Variants in CDH20 observed in about 807,000 individuals in gnomAD.
CDH20 encodes the protein cadherin-20.
Under a neutral mutation model 74.2 loss-of-function variants are expected in CDH20, and 29 were observed. The ratio of observed to expected loss-of-function variants is 0.39; its 90% CI spans 0.29 to 0.53. The LOEUF is 0.53. CDH20 is among the 20% of genes least tolerant of loss of function. The probability of loss-of-function intolerance (pLI) is 0.69; values close to 1 mark genes in which losing one functional copy is unlikely to be tolerated. For missense variants in CDH20, 988 were observed against 1,048.3 expected (o/e 0.94, Z 0.79); for synonymous variants, 469 against 405.4 (o/e 1.16, Z -1.88).
chr18:61,394,267 T>C (rs997222140), intron 1 of CDH20, among the ~76,000 whole-genome samples: 3 of 152,092 alleles, frequency 2.0e-5, no homozygotes, highest in Non-Finnish European at 2.9e-5. Context: ...CTGGAATGTC[T>C]CCCCAAAATT....
chr18:61,455,414 G>C (rs1909540544), intron 1 of CDH20, among the ~76,000 whole-genome samples: 1 of 152,192 alleles, frequency 6.6e-6, no homozygotes, highest in South Asian at 2.1e-4. Context: ...AGCCATTAAT[G>C]AAATTATTTT....
chr18:61,462,571 A>G (rs1170773367), intron 1 of CDH20, among the ~76,000 whole-genome samples: 4 of 152,214 alleles, frequency 2.6e-5, no homozygotes, highest in Non-Finnish European at 4.4e-5. Flanking sequence ...GAATATAGCC[A>G]GTAACTTTAC....
rs905410843 is a variant in CDH20 at position 61,502,896 on chromosome 18, T to C, written c.662-57T>C. The stretch of plus-strand genomic sequence containing the variant: ...CCAGGGAGACACCTAGAAACCAATC[T>C]TTAAAAACTGGACCTGTGGTTTTAT... On this transcript the variant is annotated intron_variant, in intron 4 of 11. Transcript: ENST00000262717. 7 of 1,462,130 alleles carry C rather than the reference T, an allele frequency of 4.8e-6. No individual in the cohort carries two copies. In the South Asian group the frequency reaches 8.1e-5, roughly 17 times the overall value. 90.6% of individuals were successfully genotyped at this position (1,462,130 alleles called of 1,614,324 possible). A position where few individuals can be genotyped will look rare whatever the true frequency, so the allele number is the denominator to read the frequency against.
intron 1 of CDH20, among the ~76,000 whole-genome samples, chr18:61,444,084 A>G (rs1056368119): frequency 6.6e-6 from 1 of 152,144 alleles, no homozygotes; most frequent in African/African-American, 2.4e-5. Flanking sequence ...TAGCTAGTCA[A>G]GGTATATTGC....
At chr18:61,461,536 C>A (rs368896468) in intron 1 of CDH20, among the ~76,000 whole-genome samples, 19 of 152,216 alleles carry the variant, frequency 1.2e-4, no homozygotes, top group African/African-American at 4.6e-4. Context: ...CTCATGACCT[C>A]CTTCCCTGTG....
chr18:61,362,241 T>A (rs1342019071), intron 1 of CDH20, among the ~76,000 whole-genome samples: 1 of 152,172 alleles, frequency 6.6e-6, no homozygotes, highest in Non-Finnish European at 1.5e-5. Context: ...TTCAATGTAG[T>A]GTTTAAAAAT....
At chr18:61,528,521 G>A (rs1438312832) in intron 7 of CDH20, among the ~76,000 whole-genome samples, 5 of 151,062 alleles carry the variant, frequency 3.3e-5, no homozygotes, top group Non-Finnish European at 7.4e-5. Flanking sequence ...ACATTTGGGG[G>A]TGGGTAATTC....
intron 1 of CDH20, among the ~76,000 whole-genome samples, chr18:61,387,298 G>C (rs1165966429): frequency 6.6e-6 from 1 of 152,184 alleles, no homozygotes; most frequent in Non-Finnish European, 1.5e-5. Flanking sequence ...CCTACCAAAA[G>C]AAGTGGAGAA....
At chr18:61,491,394 A>C (rs994950953) in intron 2 of CDH20, among the ~76,000 whole-genome samples, 1 of 152,130 alleles carries the variant, frequency 6.6e-6, no homozygotes, top group African/African-American at 2.4e-5. Flanking sequence ...TTGGGGTGTT[A>C]ATTACAGACC....
At chr18:61,536,387 A>T in intron 7 of CDH20, 106 bp from the exon 8 acceptor site, 1 of 853,208 alleles carries the variant, frequency 1.2e-6, no homozygotes. Flanking sequence ...ATAACTCAGA[A>T]GTGGTGGAAC....
intron 1 of CDH20, among the ~76,000 whole-genome samples, chr18:61,360,004 T>G (rs184739287): frequency 6.6e-6 from 1 of 152,236 alleles, no homozygotes; most frequent in Admixed American, 6.5e-5. Flanking sequence ...GCCGTCAAAT[T>G]TAAGTGTGTA....
At chr18:61,341,879 G>C (rs1909963693) in intron 1 of CDH20, among the ~76,000 whole-genome samples, 1 of 152,148 alleles carries the variant, frequency 6.6e-6, no homozygotes, top group South Asian at 2.1e-4. Flanking sequence ...TGTTATAGTT[G>C]CGTCTACCTT....
At chr18:61,494,487 G>A (rs1911064506) in intron 2 of CDH20, among the ~76,000 whole-genome samples, 1 of 152,094 alleles carries the variant, frequency 6.6e-6, no homozygotes, top group African/African-American at 2.4e-5. Context: ...GCCTGCATTA[G>A]GTGTGTTACC....
intron 6 of CDH20, among the ~76,000 whole-genome samples, chr18:61,513,993 T>A (rs1911882754): frequency 6.6e-6 from 1 of 152,072 alleles, no homozygotes; most frequent in Admixed American, 6.6e-5. Context: ...GTTGCTCTTC[T>A]CAAGGAGTAT....
Position 61,417,578 on chromosome 18 carries a change from TAA to T in CDH20, c.-152-72798_-152-72797del, listed in dbSNP as rs545256689. Among the ~76,000 whole-genome samples, 489 of 62,284 alleles carry T rather than the reference TAA, an allele frequency of 7.9e-3. 3 individuals are homozygous for T. Among genetic ancestry groups the T allele is most frequent in the African/African-American group, 0.035 (439 of 12,500 alleles). 40.9% of individuals were successfully genotyped at this position (62,284 alleles called of 152,430 possible). On this transcript the variant is annotated intron_variant, in intron 1 of 11. Transcript: ENST00000262717. The stretch of plus-strand genomic sequence containing the variant: ...TATGTTCTTACTCAGATGTGGGAGC[TAA>T]AAAAAAAAAAAAAAAAAAAAAAAAA...
chr18:61,425,317 ATGACCATCAC>A (rs1255517920), intron 1 of CDH20, among the ~76,000 whole-genome samples: 1 of 152,206 alleles, frequency 6.6e-6, no homozygotes, highest in East Asian at 1.9e-4. Context: ...ACTTCCAGTA[ATGACCATCAC>A]TGACCCATAG....
chr18:61,554,882 C>T lies in CDH20; in HGVS notation c.*187C>T. 2 of 1,397,320 alleles carry T rather than the reference C, an allele frequency of 1.4e-6. No individual in the cohort carries two copies. The highest frequency in any genetic ancestry group is 1.9e-6 in the Non-Finnish European group (2 of 1,078,018). 86.6% of individuals were successfully genotyped at this position (1,397,320 alleles called of 1,614,324 possible). A position where few individuals can be genotyped will look rare whatever the true frequency, so the allele number is the denominator to read the frequency against. On this transcript the variant is annotated 3_prime_UTR_variant, in exon 12 of 12. Coordinates refer to ENST00000262717, the MANE Select transcript of CDH20 (RefSeq NM_031891.4). ...TAAGTTAAATAAGCAAAAGGAAACC[C>T]AGAAGGAAGAGGGCAGAATCTTTAA...
At chr18:61,487,036 T>C (rs1276471157) in intron 1 of CDH20, among the ~76,000 whole-genome samples, 1 of 152,244 alleles carries the variant, frequency 6.6e-6, no homozygotes, top group Admixed American at 6.5e-5. Flanking sequence ...TGTACAACTT[T>C]AATTTCTTCC....
At chr18:61,377,764 T>G (rs1911291214) in intron 1 of CDH20, among the ~76,000 whole-genome samples, 1 of 152,068 alleles carries the variant, frequency 6.6e-6, no homozygotes, top group African/African-American at 2.4e-5. Flanking sequence ...ATATATCTGT[T>G]TTTTACATTG....
Sources: gnomAD v4.1 joint callset for allele counts (sites outside exome capture counted in the v4.1 genomes callset) on GRCh38, gnomAD v4.1.1 for gene constraint, MANE v1.5 for transcripts, NCBI Gene and HGNC (gene_info 2026-07-23, HGNC 2026-07-21) for gene names.